The following MED13 variants were observed in gnomAD, a reference collection of about 807,000 sequenced individuals.
MED13 encodes the protein mediator complex subunit 13, also known as mediator of RNA polymerase II transcription subunit 13.
MED13 carries 23 observed loss-of-function variants against 225.2 expected under a neutral mutation model. That is an observed-to-expected ratio of 0.10 (90% CI 0.07 to 0.14). The LOEUF is 0.14. Ranked by LOEUF, MED13 falls within the 10% of genes least tolerant of loss-of-function variation. MED13 has a pLI of 1.00. For missense variants in MED13, 2,197 were observed against 2,594.5 expected, an observed-to-expected ratio of 0.85 and a Z score of 3.33; for synonymous variants, 942 against 889.2, an observed-to-expected ratio of 1.06 and a Z score of -1.06.
At chr17:62,053,505 A>T (rs1603409945) in intron 2 of MED13, among the ~76,000 whole-genome samples, 3 of 152,222 alleles carry the variant, frequency 2.0e-5, no homozygotes, top group Admixed American at 6.5e-5. Context: ...GGTCAGAAAA[A>T]TTTTTTTGTG....
At chr17:62,013,499 A>C (rs1298374496) in intron 8 of MED13, among the ~76,000 whole-genome samples, 1 of 151,344 alleles carries the variant, frequency 6.6e-6, no homozygotes, top group Non-Finnish European at 1.5e-5. Flanking sequence ...ATTTATATAC[A>C]CTCGGCAAGC....
intron 2 of MED13, among the ~76,000 whole-genome samples, chr17:62,055,717 G>C (rs948471048): frequency 6.6e-6 from 1 of 151,978 alleles, no homozygotes; most frequent in African/African-American, 2.4e-5. Context: ...CAGCTATCCG[G>C]GAGGCTGAGG....
intron 4 of MED13, 61 bp from the exon 5 acceptor site, chr17:62,034,045 C>A: frequency 7.0e-7 from 1 of 1,428,726 alleles, no homozygotes; most frequent in Non-Finnish European, 9.7e-7. Context: ...AATAAGAACA[C>A]AGTGAAAAAT....
At chr17:62,060,638 C>T (rs2081031479) in intron 2 of MED13, among the ~76,000 whole-genome samples, 1 of 140,494 alleles carries the variant, frequency 7.1e-6, no homozygotes, top group African/African-American at 2.6e-5. Flanking sequence ...GAATGAGACT[C>T]CGTCTCAAAA....
intron 16 of MED13, among the ~76,000 whole-genome samples, chr17:61,975,893 G>A (rs1402608254): frequency 1.3e-5 from 2 of 152,190 alleles, no homozygotes; most frequent in East Asian, 3.8e-4. Context: ...GCAGGAGCCT[G>A]TAATCCCAGT....
Position 61,992,600 on chromosome 17 carries a change from C to A in MED13, c.2203G>T (p.Val735Leu). ...TCTTCTTCATGTGATAACACTGTTA[C>A]ACTAGATGTCCCATCTTCTACCTGC... ...KHKVEDGTSS[V>L]TVLSHEEDAM... Residue 735 changes from valine (V) to leucine (L), a missense_variant, in exon 11 of 30, where the codon GTA becomes TTA. Val to Leu is a conservative substitution (Grantham distance 32). Coordinates refer to ENST00000397786, the MANE Select transcript of MED13 (RefSeq NM_005121.3). 6.2e-7 allele frequency: 1 copy of A among 1,609,812 alleles called. No individual in the cohort carries two copies. Among genetic ancestry groups the A allele is most frequent in the Non-Finnish European group, 8.5e-7 (1 of 1,176,478 alleles).
intron 11 of MED13, among the ~76,000 whole-genome samples, chr17:61,990,483 A>G (rs1436699065): frequency 1.3e-5 from 2 of 151,970 alleles, no homozygotes; most frequent in Non-Finnish European, 2.9e-5. Context: ...GATTTAGAAT[A>G]AGATAAACTG....
chr17:62,007,460 T>C (rs1400166678), intron 9 of MED13: 1 of 152,114 alleles, frequency 6.6e-6, no homozygotes, highest in Non-Finnish European at 1.5e-5. Flanking sequence ...CAGAGCACCA[T>C]CTGAATCATG....
In MED13 at chr17:62,043,009, TAGTC is replaced by T. The variant is rs1454223285; in HGVS notation, c.471-7405_471-7402del. ...CCATCTCTACCTAAATTACAAAACT[TAGTC>T]AGGTGTGGTGGTGTACTCCTAAGTC... On this transcript the variant is annotated intron_variant, in intron 3 of 29. Coordinates refer to ENST00000397786, the MANE Select transcript of MED13 (RefSeq NM_005121.3). Among the ~76,000 whole-genome samples, 4 of 151,404 alleles carry T rather than the reference TAGTC, an allele frequency of 2.6e-5. 1 individual carries two copies. The highest frequency in any genetic ancestry group is 4.2e-4 in the South Asian group (2 of 4,788).
In MED13 at chr17:61,946,940, T is replaced by C. The variant is rs1398192160; in HGVS notation, c.6369A>G (p.Ser2123=). Residue 2123 remains serine (S), a synonymous_variant, in exon 29 of 30, where the codon TCA becomes TCG. Coordinates refer to ENST00000397786, the MANE Select transcript of MED13 (RefSeq NM_005121.3). ...ACCTGAGGACATCTGAAGTCTGATTTGAGTCAAGTGGGTGGGAGTGTTTAC... is the reference window on the plus strand; with the variant it reads ...ACCTGAGGACATCTGAAGTCTGATTCGAGTCAAGTGGGTGGGAGTGTTTAC... The part of the protein sequence containing the change: ...LHSKHSHPLD[S]NQTSDVLRFV... 2 of 1,613,760 alleles carry C rather than the reference T, an allele frequency of 1.2e-6. No homozygotes were observed. The highest frequency in any genetic ancestry group is 4.5e-5 in the East Asian group (2 of 44,886).
chr17:62,018,438 C>T lies in MED13; in HGVS notation c.1284-7205G>A, dbSNP rs117774308. Among the ~76,000 whole-genome samples, 828 of 152,266 alleles carry T rather than the reference C, an allele frequency of 5.4e-3. 3 individuals carry two copies. Among genetic ancestry groups the T allele is most frequent in the Admixed American group, 0.01 (154 of 15,300 alleles). ...TACACTGAAGGGCCAGGTACAGTGG[C>T]TCATGCCTGTAACCCCAACACTTTG... On this transcript the variant is annotated intron_variant, in intron 8 of 29. Coordinates refer to ENST00000397786, the MANE Select transcript of MED13 (RefSeq NM_005121.3).
At chr17:62,029,826 T>C (rs2143671636) in intron 7 of MED13, 25 bp downstream of exon 7, 1 of 1,568,180 alleles carries the variant, frequency 6.4e-7, no homozygotes, top group East Asian at 2.3e-5. Flanking sequence ...ATGCAATTTT[T>C]GAACTTATAA....
Position 61,946,621 on chromosome 17 carries a change from A to C in MED13, c.6393-21T>G, listed in dbSNP as rs202087016. The C allele has an allele frequency of 5.2e-4, 836 of 1,604,776 alleles. 2 individuals carry two copies. Among genetic ancestry groups the C allele is most frequent in the South Asian group, 6.3e-4 (56 of 88,912 alleles). On this transcript the variant is annotated intron_variant, in intron 29 of 29. Transcript: ENST00000397786. ...CAAACCTGAAAAGCAAATAAACTGC[A>C]TAAGTCATTTATTTATTTCCAACCT...
chr17:61,990,162 A>G (rs1350693540), intron 11 of MED13, among the ~76,000 whole-genome samples: 1 of 152,230 alleles, frequency 6.6e-6, no homozygotes, highest in Non-Finnish European at 1.5e-5. Flanking sequence ...CATAGTGAAT[A>G]ATAACATATT....
At chr17:61,954,542 C>T (rs575366970) in intron 26 of MED13, among the ~76,000 whole-genome samples, 1 of 152,116 alleles carries the variant, frequency 6.6e-6, no homozygotes, top group South Asian at 2.1e-4. Flanking sequence ...TTTGGGAGGC[C>T]AAGGTGGGTG....
intron 9 of MED13, among the ~76,000 whole-genome samples, chr17:62,002,746 GT>G (rs2080407462): frequency 6.6e-6 from 1 of 152,168 alleles, no homozygotes; most frequent in South Asian, 2.1e-4. Context: ...AAAAGACCAT[GT>G]CAAGTATCTC....
intron 8 of MED13, among the ~76,000 whole-genome samples, chr17:62,026,434 G>A (rs1451572307): frequency 7.1e-6 from 1 of 140,634 alleles, no homozygotes. Context: ...CCCAAAGAAT[G>A]TTATAAGAAA....
intron 8 of MED13, among the ~76,000 whole-genome samples, chr17:62,015,952 ATATTTTTTTTTTTTTT>A (rs2080573494): frequency 9.4e-5 from 1 of 10,636 alleles, no homozygotes; most frequent in African/African-American, 3.6e-4. Context: ...ATATATATAT[ATATTTTTTTTTTTTTT>A]TTTTTTTTTT....
Position 61,956,427 on chromosome 17 carries a change from C to T in MED13, c.5535G>A (p.Glu1845=). The change falls in exon 24 of 30, where the codon GAG becomes GAA. Residue 1845 remains glutamate (E), a synonymous_variant. Coordinates refer to ENST00000397786, the MANE Select transcript of MED13 (RefSeq NM_005121.3). ...ARKFGLQKLW[E]WCLGLVQMSS... is the part of the protein sequence containing the mutation. ...TCATTTGTACAAGTCCTAAGCACCA[C>T]TCCCAAAGTTTCTGTAGACCAAATT... The T allele has an allele frequency of 6.2e-7, 1 of 1,613,594 alleles. No individual in the cohort carries two copies. Among genetic ancestry groups the T allele is most frequent in the Non-Finnish European group, 8.5e-7 (1 of 1,179,732 alleles).
Sources: allele counts gnomAD v4.1 joint callset (sites outside exome capture counted in the v4.1 genomes callset), GRCh38; gene constraint gnomAD v4.1.1; transcripts MANE v1.5; gene names NCBI Gene and HGNC (gene_info 2026-07-23, HGNC 2026-07-21).